The following CLMN variants were observed in gnomAD, a reference collection of about 807,000 sequenced individuals.
CLMN encodes the protein calmin (calponin-like, transmembrane).
In CLMN, 57 loss-of-function variants were observed where a neutral mutation model predicts 92.7. The ratio of observed to expected loss-of-function variants is 0.61; its 90% CI spans 0.50 to 0.77. The LOEUF (loss-of-function observed/expected upper bound fraction) is 0.77. Ranked by LOEUF, CLMN falls within the 30% of genes least tolerant of loss-of-function variation. The pLI, the probability that CLMN is intolerant of heterozygous loss-of-function variation, is 0.00. For missense variants in CLMN, 1,158 were observed against 1,237.5 expected, an observed-to-expected ratio of 0.94 and a Z score of 0.96; for synonymous variants, 466 against 470.6, an observed-to-expected ratio of 0.99 and a Z score of 0.13.
chr14:95,193,422 T>A, intron 12 of CLMN: 1 of 1,520,216 alleles, frequency 6.6e-7, no homozygotes, highest in African/African-American at 1.4e-5. Flanking sequence ...GTACCTGCAG[T>A]GGCAACAGAG....
intron 8 of CLMN, among the ~76,000 whole-genome samples, chr14:95,207,331 G>A (rs2140583668): frequency 6.6e-6 from 1 of 152,156 alleles, no homozygotes; most frequent in South Asian, 2.1e-4. Flanking sequence ...TGTTGCCCAG[G>A]CTGGTCTTTA....
In CLMN at chr14:95,203,131, A is replaced by G; in HGVS notation, c.2218T>C (p.Leu740=). The G allele has an allele frequency of 1.2e-6, 2 of 1,613,078 alleles. No homozygotes were observed. The highest frequency in any genetic ancestry group is 1.7e-6 in the Non-Finnish European group (2 of 1,180,014). The change falls in exon 9 of 13, where the codon TTG becomes CTG. Residue 740 remains leucine, a synonymous_variant. Transcript: ENST00000298912. ...TCCGGGTCTTCTACATAAGCCTCCA[A>G]AACTGCAGCCAGGGGAACCTCATAG... ...PHYEVPLAAV[L]EAYVEDPEDL...
At chr14:95,270,771 A>G (rs1899677238) in intron 1 of CLMN, among the ~76,000 whole-genome samples, 1 of 152,184 alleles carries the variant, frequency 6.6e-6, no homozygotes, top group African/African-American at 2.4e-5. Flanking sequence ...ATGCTGCTAT[A>G]AACATTTGCA....
At chr14:95,231,025 TTTCCA>T (rs1199273487) in intron 1 of CLMN, among the ~76,000 whole-genome samples, 3 of 152,062 alleles carry the variant, frequency 2.0e-5, no homozygotes, top group Non-Finnish European at 4.4e-5. Flanking sequence ...GGACACTTTG[TTTCCA>T]TTCATCTTTA....
intron 1 of CLMN, chr14:95,296,236 G>A (rs1900804435): frequency 6.6e-6 from 1 of 152,264 alleles, no homozygotes; most frequent in South Asian, 2.1e-4. Flanking sequence ...AGACAGAGAG[G>A]AAGGGGGCTG....
At chr14:95,279,635 T>C (rs1005633002) in intron 1 of CLMN, among the ~76,000 whole-genome samples, 4 of 152,118 alleles carry the variant, frequency 2.6e-5, no homozygotes, top group African/African-American at 9.7e-5. Flanking sequence ...TACAAAAAAT[T>C]AGCCAGACGT....
At chr14:95,210,980 A>G (rs1280709468) in intron 6 of CLMN, 101 bp from the exon 7 acceptor site, 1 of 1,263,210 alleles carries the variant, frequency 7.9e-7, no homozygotes, top group Non-Finnish European at 1.1e-6. Context: ...TGAGTGGGGC[A>G]GAGCTGCCGA....
At position 95,231,484 on chromosome 14, in the gene CLMN, C is replaced by T. The variant is rs148644417; in HGVS notation, c.83-1351G>A. ...AAGTACTGGGATTACAGGCGTGAGC[C>T]ACCGCGCCCAGCCGCATTAAATCCT... On this transcript the variant is annotated intron_variant, in intron 1 of 12. Coordinates refer to ENST00000298912, the MANE Select transcript of CLMN (RefSeq NM_024734.4). 5.9e-3 allele frequency among the ~76,000 whole-genome samples: 893 copies of T among 152,276 alleles called. 7 individuals are homozygous for T. The highest frequency in any genetic ancestry group is 0.021 in the African/African-American group (859 of 41,554).
At position 95,203,975 on chromosome 14, in the gene CLMN, C is replaced by T. The variant is rs1429422541; in HGVS notation, c.1374G>A (p.Arg458=). ...CAACTGCCAAGACATGTCCATCCTG[C>T]CTCAATGATTCCTTTGCCACTCTTG... ...GSPRVAKESL[R]QDGHVLAVEV... The change falls in exon 9 of 13, where the codon AGG becomes AGA. Residue 458 remains arginine, a synonymous_variant. Transcript: ENST00000298912. The T allele has an allele frequency of 2.5e-6, 4 of 1,614,060 alleles. No individual in the cohort carries two copies. The African/African-American group carries it at 4.0e-5, about 16-fold the overall frequency.
intron 1 of CLMN, among the ~76,000 whole-genome samples, chr14:95,314,841 T>C (rs1901693672): frequency 1.3e-5 from 2 of 152,182 alleles, no homozygotes; most frequent in South Asian, 4.1e-4. Context: ...TGATGATTCA[T>C]CCCTTAGAAC....
At position 95,184,311 on chromosome 14, in the gene CLMN, C is replaced by A. The variant is rs1356620298; in HGVS notation, c.*7253G>T. ...CCACAATACCTCCCAGAGAAGAAGG[C>A]AGTGATTAAAATGAAAACAAAAAAA... On this transcript the variant is annotated 3_prime_UTR_variant, in exon 13 of 13. Transcript: ENST00000298912. 6.6e-6 allele frequency: 1 copy of A among 152,028 alleles called. No homozygotes were observed. The highest frequency in any genetic ancestry group is 6.5e-5 in the Admixed American group (1 of 15,268). 9.4% of individuals were successfully genotyped at this position (152,028 alleles called of 1,614,324 possible).
intron 1 of CLMN, among the ~76,000 whole-genome samples, chr14:95,241,474 G>A (rs555600035): frequency 6.6e-5 from 10 of 152,302 alleles, no homozygotes; most frequent in African/African-American, 2.2e-4. Context: ...TTCAATGCAA[G>A]GGGCAAAACA....
intron 1 of CLMN, among the ~76,000 whole-genome samples, chr14:95,278,033 C>G (rs1163673393): frequency 6.6e-6 from 1 of 152,202 alleles, no homozygotes; most frequent in Admixed American, 6.5e-5. Flanking sequence ...GATTCTTTCC[C>G]TCTCCGTGAA....
rs780448591 is a variant in CLMN, at chr14:95,191,784, G to A, written c.2841-52C>T. 6.5e-7 allele frequency: 1 copy of A among 1,544,426 alleles called. No individual in the cohort carries two copies. The highest frequency in any genetic ancestry group is 8.7e-7 in the Non-Finnish European group (1 of 1,147,396). On this transcript the variant is annotated intron_variant, in intron 12 of 12. Coordinates refer to ENST00000298912, the MANE Select transcript of CLMN (RefSeq NM_024734.4). This position sits in a 1 kb window ranked among gnomAD's most constrained non-coding sequence, Gnocchi z 5.3. Reference sequence around the variant, plus strand: ...AGTTACCAAGCAGGTTCCCAGGAAAGTGGACCCCACCCAGTGCTACCCGTC... The same window carrying A: ...AGTTACCAAGCAGGTTCCCAGGAAAATGGACCCCACCCAGTGCTACCCGTC...
intron 1 of CLMN, among the ~76,000 whole-genome samples, chr14:95,297,796 T>C (rs1046779871): frequency 1.4e-5 from 2 of 145,888 alleles, no homozygotes; most frequent in Non-Finnish European, 3.0e-5. Context: ...TTTTTGGCTA[T>C]TATGAATATG....
At chr14:95,272,238 CCGG>C (rs1479176696) in intron 1 of CLMN, among the ~76,000 whole-genome samples, 2 of 152,032 alleles carry the variant, frequency 1.3e-5, no homozygotes, top group African/African-American at 4.8e-5. Context: ...AGACACTGAG[CCGG>C]AGGAGGAGCC....
Position 95,213,212 on chromosome 14 carries a change from G to A in CLMN, c.608+7C>T, listed in dbSNP as rs374580429. 2.3e-5 allele frequency: 37 copies of A among 1,612,566 alleles called. No homozygotes were observed. Among genetic ancestry groups the A allele is most frequent in the African/African-American group, 1.1e-4 (8 of 74,826 alleles). ...GAAGTAGTGTGGGGAGAGGGGCTGC[G>A]GCTTACTTTCTCGTTTTCCTCTGCA... On this transcript the variant is annotated splice_region_variant and intron_variant, in intron 6 of 12. Transcript: ENST00000298912.
chr14:95,268,527 A>G (rs1337358610), intron 1 of CLMN, among the ~76,000 whole-genome samples: 1 of 152,172 alleles, frequency 6.6e-6, no homozygotes, highest in Non-Finnish European at 1.5e-5. Flanking sequence ...GCATGACTAT[A>G]AAAGGGAACC....
chr14:95,315,557 G>A (rs748878740), intron 1 of CLMN, among the ~76,000 whole-genome samples: 2 of 152,248 alleles, frequency 1.3e-5, no homozygotes, highest in Non-Finnish European at 2.9e-5. Flanking sequence ...GGGCCACATG[G>A]GCCGGGGCTG....
Sources: gnomAD v4.1 joint callset for allele counts (sites outside exome capture counted in the v4.1 genomes callset) on GRCh38, gnomAD v4.1.1 for gene constraint, Gnocchi (gnomAD v3.1) non-coding constraint, MANE v1.5 for transcripts, NCBI Gene and HGNC (gene_info 2026-07-23, HGNC 2026-07-21) for gene names.